Variants in ASIC2 observed in about 807,000 individuals in gnomAD.
ASIC2 encodes acid-sensing ion channel 2.
ASIC2 carries 25 observed loss-of-function variants against 57.3 expected under a neutral mutation model. That is an observed-to-expected ratio of 0.44 (90% CI 0.32 to 0.61). ASIC2 has a LOEUF of 0.61. ASIC2 is among the 20% of genes least tolerant of loss of function. The pLI is 0.06. For missense variants in ASIC2, 641 were observed against 738.1 expected, an observed-to-expected ratio of 0.87 and a Z score of 1.52; for synonymous variants, 319 against 307.5, an observed-to-expected ratio of 1.04 and a Z score of -0.39.
At chr17:33,189,795 T>C (rs1023757282) in intron 1 of ASIC2, among the ~76,000 whole-genome samples, 9 of 152,114 alleles carry the variant, frequency 5.9e-5, no homozygotes, top group Admixed American at 5.2e-4. Flanking sequence ...CTTCCAAATA[T>C]GTGAAGCAAA....
chr17:33,112,099 C>G, intron 1 of ASIC2, 32 bp from the exon 2 acceptor site: 10 of 1,589,142 alleles, frequency 6.3e-6, no homozygotes, highest in Non-Finnish European at 8.6e-6. Context: ...GAGAGAGAAG[C>G]ACATGGGTAA....
chr17:33,516,420 G>GTGTT (rs1245352567), intron 1 of ASIC2, among the ~76,000 whole-genome samples: 29 of 152,228 alleles, frequency 1.9e-4, no homozygotes, highest in African/African-American at 7.0e-4. Flanking sequence ...GTGTGTGTGT[G>GTGTT]TGTGTGTGTA....
At chr17:33,275,090 G>T (rs969812367) in intron 1 of ASIC2, among the ~76,000 whole-genome samples, 10 of 152,122 alleles carry the variant, frequency 6.6e-5, no homozygotes, top group African/African-American at 2.4e-4. Flanking sequence ...CTGCACCTGG[G>T]CTGGTCTACA....
chr17:33,422,101 A>G (rs181747354), intron 1 of ASIC2, among the ~76,000 whole-genome samples: 2 of 152,314 alleles, frequency 1.3e-5, no homozygotes, highest in East Asian at 3.9e-4. Context: ...CTCTTCCCTG[A>G]CCTGCCTCCA....
At chr17:33,285,444 A>G (rs1905111251) in intron 1 of ASIC2, among the ~76,000 whole-genome samples, 1 of 152,210 alleles carries the variant, frequency 6.6e-6, no homozygotes, top group Non-Finnish European at 1.5e-5. Flanking sequence ...TTGGCTGAAA[A>G]ACTCACGCCA....
At chr17:33,594,211 G>A (rs1351788479) in intron 1 of ASIC2, among the ~76,000 whole-genome samples, 1 of 152,184 alleles carries the variant, frequency 6.6e-6, no homozygotes, top group Non-Finnish European at 1.5e-5. Context: ...TCTGACGTAG[G>A]CCATCTATCA....
intron 1 of ASIC2, among the ~76,000 whole-genome samples, chr17:33,872,897 C>A (rs369615): frequency 0.27 from 40,597 of 151,914 alleles, 5,610 homozygotes; most frequent in Middle Eastern, 0.36. Flanking sequence ...TGGGCACCAG[C>A]AAATAGTAAA....
intron 1 of ASIC2, among the ~76,000 whole-genome samples, chr17:33,567,609 A>T (rs1281951627): frequency 1.3e-5 from 2 of 152,068 alleles, no homozygotes; most frequent in African/African-American, 4.8e-5. Flanking sequence ...CCTCCTGTGG[A>T]GGGAGAGTCA....
chr17:33,421,030 T>C, intron 1 of ASIC2, among the ~76,000 whole-genome samples: 1 of 152,168 alleles, frequency 6.6e-6, no homozygotes, highest in East Asian at 1.9e-4. Flanking sequence ...ACTCATGTAA[T>C]GGAGGGAATG....
At chr17:34,045,701 C>T (rs531713697) in intron 1 of ASIC2, among the ~76,000 whole-genome samples, 10 of 152,238 alleles carry the variant, frequency 6.6e-5, no homozygotes, top group South Asian at 4.1e-4. Flanking sequence ...AGTAACACAT[C>T]GACAAAGACT....
At chr17:33,373,592 G>A (rs1358942645) in intron 1 of ASIC2, among the ~76,000 whole-genome samples, 1 of 152,178 alleles carries the variant, frequency 6.6e-6, no homozygotes, top group Non-Finnish European at 1.5e-5. Context: ...TATTGCTCAG[G>A]AGTCATGTGG....
At chr17:33,780,870 C>G (rs1204350324) in intron 1 of ASIC2, among the ~76,000 whole-genome samples, 2 of 152,172 alleles carry the variant, frequency 1.3e-5, no homozygotes, top group Non-Finnish European at 2.9e-5. Context: ...GACTCTTGGG[C>G]TCTTCTCTTT....
chr17:33,182,893 T>A (rs1267750592), intron 1 of ASIC2, among the ~76,000 whole-genome samples: 1 of 152,206 alleles, frequency 6.6e-6, no homozygotes, highest in East Asian at 1.9e-4. Context: ...ACTGTGACAG[T>A]TGCCTGTTGA....
intron 1 of ASIC2, among the ~76,000 whole-genome samples, chr17:34,085,132 T>A (rs1246404259): frequency 6.6e-6 from 1 of 152,244 alleles, no homozygotes; most frequent in East Asian, 1.9e-4. Flanking sequence ...TCAAAGGGAA[T>A]GCTTCCAGTT....
intron 1 of ASIC2, among the ~76,000 whole-genome samples, chr17:33,971,231 C>T (rs1421782589): frequency 1.3e-5 from 2 of 152,132 alleles, no homozygotes; most frequent in Non-Finnish European, 2.9e-5. Context: ...ACCAGCTCTC[C>T]TGCCTTCGTT....
intron 1 of ASIC2, among the ~76,000 whole-genome samples, chr17:33,636,674 ACTC>A (rs1159164864): frequency 6.6e-6 from 1 of 151,810 alleles, no homozygotes; most frequent in East Asian, 1.9e-4. Context: ...CATTCACTCT[ACTC>A]CTTTCTAGGA....
At chr17:33,228,486 C>T (rs187598966) in intron 1 of ASIC2, among the ~76,000 whole-genome samples, 1 of 152,238 alleles carries the variant, frequency 6.6e-6, no homozygotes, top group African/African-American at 2.4e-5. Flanking sequence ...CATCCACGTG[C>T]GCATGGCACG....
intron 1 of ASIC2, among the ~76,000 whole-genome samples, chr17:33,517,382 C>T (rs1248787473): frequency 6.6e-6 from 1 of 152,216 alleles, no homozygotes. Context: ...TCCCAAAGTG[C>T]TGGGATTACA....
At chr17:33,907,450 A>G (rs1915373075) in intron 1 of ASIC2, among the ~76,000 whole-genome samples, 1 of 152,012 alleles carries the variant, frequency 6.6e-6, no homozygotes, top group African/African-American at 2.4e-5. Flanking sequence ...CTCCCATTTG[A>G]CTATCTCTGC....
Sources: gnomAD v4.1 joint callset for allele counts (sites outside exome capture counted in the v4.1 genomes callset) on GRCh38, gnomAD v4.1.1 for gene constraint, MANE v1.5 for transcripts, NCBI Gene and HGNC (gene_info 2026-07-23, HGNC 2026-07-21) for gene names.